ZNF37A: variants seen among roughly 807,000 people sequenced by gnomAD.
ZNF37A encodes zinc finger protein 37a (KOX 21).
ZNF37A carries 10 observed loss-of-function variants against 12.3 expected under a neutral mutation model. The ratio of observed to expected loss-of-function variants is 0.82; its 90% CI spans 0.50 to 1.38. The LOEUF is 1.38. Among genes scored for constraint, ZNF37A ranks in the 40% most tolerant of loss-of-function variants. ZNF37A has a pLI of 0.00. For synonymous variants in ZNF37A, 207 were observed against 223.0 expected (o/e 0.93, Z 0.64); for missense variants, 580 against 651.2 (o/e 0.89, Z 1.19).
At chr10:38,133,827 C>G (rs1201685865) in intron 7 of ZNF37A, among the ~76,000 whole-genome samples, 2 of 152,118 alleles carry the variant, frequency 1.3e-5, no homozygotes, top group Non-Finnish European at 2.9e-5. Context: ...TGGGTATATA[C>G]CCAGTAATGG....
downstream of ZNF37A, among the ~76,000 whole-genome samples, chr10:38,129,306 A>T (rs1435497081): frequency 7.2e-6 from 1 of 139,420 alleles, no homozygotes; most frequent in East Asian, 3.0e-4. Flanking sequence ...ACTCTGTCTA[A>T]AAAAAAAAAA....
At chr10:38,126,402 T>C (rs2069928133), downstream of ZNF37A, among the ~76,000 whole-genome samples, 1 of 152,154 alleles carries the variant, frequency 6.6e-6, no homozygotes, top group South Asian at 2.1e-4. Flanking sequence ...CCTTAATTCC[T>C]GTCTATATAA....
exon 8 of ZNF37A, chr10:38,148,406 A>C (rs1343791266): frequency 6.6e-6 from 1 of 152,204 alleles, no homozygotes; most frequent in East Asian, 1.9e-4. Context: ...AACAGAGCCA[A>C]ATGAAGAGAG....
intron 5 of ZNF37A, among the ~76,000 whole-genome samples, chr10:38,101,356 T>C (rs1278719919): frequency 1.3e-5 from 2 of 152,114 alleles, no homozygotes; most frequent in African/African-American, 4.8e-5. Flanking sequence ...TTAATTTTTT[T>C]TTTTTTTTAG....
At chr10:38,134,466 C>T (rs12782054) in intron 7 of ZNF37A, among the ~76,000 whole-genome samples, 3 of 152,212 alleles carry the variant, frequency 2.0e-5, no homozygotes, top group South Asian at 4.2e-4. Flanking sequence ...ATACAGATGG[C>T]GTTTTGGTGT....
intron 5 of ZNF37A, among the ~76,000 whole-genome samples, chr10:38,104,550 C>A (rs184801829): frequency 1.7e-4 from 26 of 152,000 alleles, no homozygotes; most frequent in African/African-American, 6.0e-4. Flanking sequence ...GCCTACCCCC[C>A]ACATCAGTTT....
chr10:38,136,856 C>A (rs1204029500), intron 7 of ZNF37A, among the ~76,000 whole-genome samples: 1 of 152,006 alleles, frequency 6.6e-6, no homozygotes. Flanking sequence ...CCTTTCTTTT[C>A]CTCAGAGTCA....
chr10:38,112,303 C>CG (rs763334643), intron 5 of ZNF37A, among the ~76,000 whole-genome samples: 2 of 152,066 alleles, frequency 1.3e-5, no homozygotes, highest in African/African-American at 2.4e-5. Context: ...GTAAAACCTT[C>CG]GGGTCTTTTG....
chr10:38,096,805 C>G (rs189585187), intron 5 of ZNF37A, among the ~76,000 whole-genome samples, 173 bp downstream of exon 5: 4 of 151,586 alleles, frequency 2.6e-5, no homozygotes, highest in Admixed American at 2.6e-4. Flanking sequence ...GGTCCACAAA[C>G]GAAGGATGGT....
At chr10:38,117,150 A>T in intron 7 of ZNF37A, 1 of 984,444 alleles carries the variant, frequency 1.0e-6, no homozygotes, top group South Asian at 4.7e-5. Flanking sequence ...ACCAAGAACA[A>T]CAAAACCACA....
chr10:38,118,540 G>A lies in ZNF37A; in HGVS notation c.1389G>A (p.Gly463=). The A allele has an allele frequency of 6.2e-7, 1 of 1,613,978 alleles. No individual in the cohort carries two copies. ...CAGAACATCTGAGAAGACACACAGG[G>A]GAGAAACCTTTTGGATGTAATGAAT... ...GFTEHLRRHT[G]EKPFGCNECG... Residue 463 remains glycine, a synonymous_variant, in exon 8 of 8, where the codon GGG becomes GGA. Transcript: ENST00000685332.
intron 6 of ZNF37A, 49 bp from the exon 7 acceptor site, chr10:38,115,146 C>A (rs1331193860): frequency 6.3e-7 from 1 of 1,589,626 alleles, no homozygotes; most frequent in Non-Finnish European, 8.6e-7. Context: ...CTTCCTCCTT[C>A]AGGAAAACCC....
chr10:38,127,004 C>G (rs1316421076), downstream of ZNF37A, among the ~76,000 whole-genome samples: 7 of 152,140 alleles, frequency 4.6e-5, no homozygotes, highest in Non-Finnish European at 1.0e-4. Flanking sequence ...TCAGTATTCT[C>G]TAATAAAGAT....
At position 38,138,269 on chromosome 10, in the gene ZNF37A, CCT is replaced by C. The variant is rs2070136815; in HGVS notation, c.239-8462_239-8461del. On this transcript the variant is annotated intron_variant, in intron 7 of 7. Transcript: ENST00000638053. The stretch of plus-strand genomic sequence containing the variant: ...GCATTCACTATTAAAGCAATGAGTG[CCT>C]TCTGGGGACAGTCAGCTCAACTGAC... 3 of 152,260 alleles carry C rather than the reference CCT, an allele frequency of 2.0e-5. No homozygotes were observed. The East Asian group carries it at 5.8e-4, about 29-fold the overall frequency. The allele number at this position is 152,260 out of a possible 1,614,324, so 9.4% of individuals were successfully genotyped here.
At position 38,119,974 on chromosome 10, in the gene ZNF37A, GT is replaced by G. The variant is rs1477403022; in HGVS notation, c.*1140del. 1 of 152,200 alleles carries G rather than the reference GT, an allele frequency of 6.6e-6. No homozygotes were observed. The highest frequency in any genetic ancestry group is 1.9e-4 in the East Asian group (1 of 5,192). 9.4% of individuals were successfully genotyped at this position (152,200 alleles called of 1,614,324 possible). A position where few individuals can be genotyped will look rare whatever the true frequency, so the allele number is the denominator to read the frequency against. ...AGAGAGTGGGTCCAGATTTCTGGTGGTTTCTGCCCTGCAGATGTCTAACACA... is the reference window on the plus strand; with the variant it reads ...AGAGAGTGGGTCCAGATTTCTGGTGGTTCTGCCCTGCAGATGTCTAACACA... On this transcript the variant is annotated 3_prime_UTR_variant, in exon 8 of 8. Coordinates refer to ENST00000685332, the MANE Select transcript of ZNF37A (RefSeq NM_001324250.3).
chr10:38,136,219 CT>C (rs957148875), intron 7 of ZNF37A, among the ~76,000 whole-genome samples: 5 of 152,162 alleles, frequency 3.3e-5, no homozygotes, highest in African/African-American at 9.7e-5. Flanking sequence ...TCTTTGCTCA[CT>C]GCAACCTCTG....
At position 38,118,505 on chromosome 10, in the gene ZNF37A, T is replaced by C; in HGVS notation, c.1354T>C (p.Ser452Pro). 1 of 1,614,074 alleles carries C rather than the reference T, an allele frequency of 6.2e-7. No homozygotes were observed. The highest frequency in any genetic ancestry group is 8.5e-7 in the Non-Finnish European group (1 of 1,180,014). ...IQCGKFFCYY[S>P]GFTEHLRRHT... Reference sequence around the variant, plus strand: ...GTGTGGAAAATTTTTCTGCTACTACTCCGGTTTCACAGAACATCTGAGAAG... The same window carrying C: ...GTGTGGAAAATTTTTCTGCTACTACCCCGGTTTCACAGAACATCTGAGAAG... Residue 452 changes from serine to proline, a missense_variant, in exon 8 of 8, where the codon TCC (serine) becomes CCC (proline). Physicochemically the swap from Ser to Pro is moderately conservative, Grantham distance 74 (BLOSUM62 -1). Transcript: ENST00000685332.
intron 5 of ZNF37A, among the ~76,000 whole-genome samples, chr10:38,108,963 A>G (rs1381475134): frequency 1.3e-5 from 2 of 152,178 alleles, no homozygotes; most frequent in Non-Finnish European, 2.9e-5. Context: ...AAAAGAGGGA[A>G]TCCTCTCTAA....
At chr10:38,094,850 CGGGGCG>C (rs2135827359) in intron 1 of ZNF37A, 75 bp from the exon 2 acceptor site, 1 of 152,340 alleles carries the variant, frequency 6.6e-6, no homozygotes, top group South Asian at 2.1e-4. Context: ...GAAGCGCCCG[CGGGGCG>C]GGGAGGGACC....
Sources: allele counts gnomAD v4.1 joint callset (sites outside exome capture counted in the v4.1 genomes callset), GRCh38; gene constraint gnomAD v4.1.1; transcripts MANE v1.5; gene names NCBI Gene and HGNC (gene_info 2026-07-23, HGNC 2026-07-21).